The following DAB1 variants were observed in gnomAD, a reference collection of about 807,000 sequenced individuals.
The protein encoded by DAB1 is disabled homolog 1.
A neutral mutation model predicts 64.6 loss-of-function variants in DAB1; 15 were observed. The ratio of observed to expected loss-of-function variants is 0.23; its 90% CI spans 0.16 to 0.36. The LOEUF (loss-of-function observed/expected upper bound fraction) is 0.36. DAB1 is among the 10% of genes least tolerant of loss of function. DAB1 has a pLI of 1.00. For synonymous variants in DAB1, 235 were observed against 251.9 expected (o/e 0.93, Z 0.64); for missense variants, 596 against 706.7 (o/e 0.84, Z 1.78).
intron 7 of DAB1, among the ~76,000 whole-genome samples, chr1:57,525,993 A>G (rs1440018893): frequency 6.8e-6 from 1 of 146,846 alleles, no homozygotes; most frequent in Non-Finnish European, 1.5e-5. Flanking sequence ...GCTGGAGTGC[A>G]GTGGCACTAT....
At chr1:57,121,579 G>A (rs890476192) in intron 4 of DAB1, among the ~76,000 whole-genome samples, 2 of 152,034 alleles carry the variant, frequency 1.3e-5, no homozygotes, top group African/African-American at 4.8e-5. Context: ...AAAGAAAAAA[G>A]AAAACCCGGC....
chr1:58,470,307 G>A (rs978920606), intron 3 of DAB1, among the ~76,000 whole-genome samples: 1 of 152,058 alleles, frequency 6.6e-6, no homozygotes, highest in Non-Finnish European at 1.5e-5. Context: ...CCAAGCAGGT[G>A]GGATTACAGG....
intron 5 of DAB1, among the ~76,000 whole-genome samples, chr1:57,972,716 G>A (rs935625971): frequency 2.6e-5 from 4 of 152,240 alleles, no homozygotes; most frequent in African/African-American, 7.2e-5. Context: ...AAACAAGAAA[G>A]AGCTATGTTT....
intron 1 of DAB1, among the ~76,000 whole-genome samples, chr1:57,300,343 T>C (rs1228143550): frequency 6.6e-6 from 1 of 152,094 alleles, no homozygotes; most frequent in Non-Finnish European, 1.5e-5. Flanking sequence ...AGAGAAATCA[T>C]AGGATTCTCA....
Position 58,427,127 on chromosome 1 carries a change from G to A in DAB1, n.257+78933C>T, listed in dbSNP as rs190819352. Among the ~76,000 whole-genome samples, 13 of 152,222 alleles carry A rather than the reference G, an allele frequency of 8.5e-5. No homozygotes were observed. The East Asian group carries it at 2.3e-3, about 27-fold the overall frequency. ...GGGTGGAGTAGAGTGCAGTGAGGAAGGTACTGTGGATTGGAGGCAGGCAGG... is the reference window on the plus strand; with the variant it reads ...GGGTGGAGTAGAGTGCAGTGAGGAAAGTACTGTGGATTGGAGGCAGGCAGG... On this transcript the variant is annotated intron_variant and non_coding_transcript_variant, in intron 3 of 20. Transcript: ENST00000485760.
chr1:57,504,143 A>G (rs916732857), intron 7 of DAB1, among the ~76,000 whole-genome samples: 8 of 152,212 alleles, frequency 5.3e-5, no homozygotes, highest in African/African-American at 1.7e-4. Context: ...CAAATTGTCT[A>G]TACTGTTAAT....
At chr1:57,553,384 G>GAGAGAAAGAAAGAA (rs1553193729) in intron 7 of DAB1, among the ~76,000 whole-genome samples, 1 of 6,952 alleles carries the variant, frequency 1.4e-4, no homozygotes, top group African/African-American at 1.8e-4. Context: ...AAGGAAGAAA[G>GAGAGAAAGAAAGAA]AGAAAGAAAG....
chr1:58,530,558 C>T (rs778846129), intron 1 of DAB1: 1 of 833,152 alleles, frequency 1.2e-6, no homozygotes, highest in South Asian at 1.4e-5. Context: ...AAAATATCTT[C>T]ACCAGAGGCT....
intron 2 of DAB1, among the ~76,000 whole-genome samples, chr1:57,231,708 G>C (rs1415915222): frequency 6.6e-6 from 1 of 152,200 alleles, no homozygotes; most frequent in Non-Finnish European, 1.5e-5. Context: ...AGTAGTAAGT[G>C]ATGGTATCAG....
chr1:57,251,630 T>C, intron 2 of DAB1, among the ~76,000 whole-genome samples: 1 of 152,158 alleles, frequency 6.6e-6, no homozygotes, highest in East Asian at 1.9e-4. Flanking sequence ...CCCTTGATTT[T>C]CTCATTTCAG....
chr1:57,854,291 T>C (rs1239137026), intron 1 of DAB1, among the ~76,000 whole-genome samples: 1 of 152,204 alleles, frequency 6.6e-6, no homozygotes, highest in Non-Finnish European at 1.5e-5. Context: ...AAACAGTATA[T>C]TTCAGAATGA....
chr1:57,324,446 A>AATTGAAGTCAGAAGATAATTGAAGTCAG (rs1553168226), intron 1 of DAB1, among the ~76,000 whole-genome samples: 6 of 152,214 alleles, frequency 3.9e-5, no homozygotes, highest in Admixed American at 3.9e-4. Context: ...GAAGTCAGAT[A>AATTGAAGTCAGAAGATAATTGAAGTCAG]AAGAAGCAGT....
chr1:57,687,748 C>A (rs944276338), intron 6 of DAB1, among the ~76,000 whole-genome samples: 3 of 151,778 alleles, frequency 2.0e-5, no homozygotes, highest in African/African-American at 7.3e-5. Context: ...GAACAGAGAA[C>A]CCAGAAAAAA....
chr1:57,614,665 G>T (rs1261909633), intron 7 of DAB1, among the ~76,000 whole-genome samples: 2 of 151,990 alleles, frequency 1.3e-5, no homozygotes, highest in Non-Finnish European at 2.9e-5. Context: ...TCACATCCTT[G>T]CTTGGAAAAA....
intron 1 of DAB1, among the ~76,000 whole-genome samples, chr1:57,339,471 C>T (rs1677392320): frequency 6.6e-6 from 1 of 152,286 alleles, no homozygotes; most frequent in African/African-American, 2.4e-5. Context: ...TTTCTTTAAA[C>T]GTTTAATACA....
intron 3 of DAB1, among the ~76,000 whole-genome samples, chr1:58,494,533 A>G (rs1645760150): frequency 6.6e-6 from 1 of 152,200 alleles, no homozygotes; most frequent in Non-Finnish European, 1.5e-5. Context: ...ACAAAGGGCT[A>G]ATATCCAGAA....
At chr1:58,024,935 C>CCA (rs1315063691) in intron 5 of DAB1, among the ~76,000 whole-genome samples, 5 of 152,130 alleles carry the variant, frequency 3.3e-5, no homozygotes, top group African/African-American at 1.2e-4. Flanking sequence ...GGTACCCAAC[C>CCA]TGCTGCCTCA....
intron 6 of DAB1, among the ~76,000 whole-genome samples, chr1:57,651,165 AAAG>A (rs923122749): frequency 1.3e-5 from 2 of 152,162 alleles, no homozygotes; most frequent in African/African-American, 4.8e-5. Context: ...ACAAAAAAAA[AAAG>A]ATCTTATGGT....
At chr1:57,474,125 A>C (rs1364526164) in intron 7 of DAB1, among the ~76,000 whole-genome samples, 1 of 152,236 alleles carries the variant, frequency 6.6e-6, no homozygotes, top group Non-Finnish European at 1.5e-5. Context: ...CCTCTTTAAA[A>C]TACTGGAGTA....
Sources: gnomAD v4.1 joint callset for allele counts (sites outside exome capture counted in the v4.1 genomes callset) on GRCh38, gnomAD v4.1.1 for gene constraint, MANE v1.5 for transcripts, NCBI Gene and HGNC (gene_info 2026-07-23, HGNC 2026-07-21) for gene names.